Variants in SNAP91 observed in about 807,000 individuals in gnomAD.
SNAP91 encodes the protein clathrin coat assembly protein AP180.
SNAP91 carries 27 observed loss-of-function variants against 100.3 expected under a neutral mutation model. The ratio of observed to expected loss-of-function variants is 0.27; its 90% CI spans 0.20 to 0.37. SNAP91 has a LOEUF of 0.37. Ranked by LOEUF, SNAP91 falls within the 10% of genes least tolerant of loss-of-function variation. The pLI is 1.00. For missense variants in SNAP91, 986 were observed against 1,123.7 expected, an observed-to-expected ratio of 0.88 and a Z score of 1.75; for synonymous variants, 404 against 398.6, an observed-to-expected ratio of 1.01 and a Z score of -0.16.
intron 7 of SNAP91, among the ~76,000 whole-genome samples, chr6:83,650,075 G>A (rs939242847): frequency 6.6e-6 from 1 of 151,568 alleles, no homozygotes; most frequent in Admixed American, 6.6e-5. Flanking sequence ...TTTTCCAGAT[G>A]AATATTATTC....
At chr6:83,638,450 A>T (rs1417046457) in intron 8 of SNAP91, among the ~76,000 whole-genome samples, 1 of 151,944 alleles carries the variant, frequency 6.6e-6, no homozygotes, top group African/African-American at 2.4e-5. Context: ...AAAGCCACTT[A>T]TATTATTACA....
At chr6:83,554,925 T>C (rs562665488) in intron 29 of SNAP91, among the ~76,000 whole-genome samples, 1 of 152,286 alleles carries the variant, frequency 6.6e-6, no homozygotes, top group Admixed American at 6.5e-5. Context: ...TCTGTCTCTG[T>C]CTCTCTTTCT....
intron 22 of SNAP91, among the ~76,000 whole-genome samples, chr6:83,590,197 T>G (rs988079395): frequency 6.6e-6 from 1 of 152,180 alleles, no homozygotes; most frequent in Non-Finnish European, 1.5e-5. Context: ...TGTACCTGTC[T>G]AAGTAAAATC....
At chr6:83,635,529 T>C (rs1264590649) in intron 8 of SNAP91, among the ~76,000 whole-genome samples, 3 of 152,200 alleles carry the variant, frequency 2.0e-5, no homozygotes, top group Non-Finnish European at 2.9e-5. Context: ...TTGTTTTCTA[T>C]TGGGATGGTG....
intron 8 of SNAP91, among the ~76,000 whole-genome samples, chr6:83,629,421 T>C (rs1045914422): frequency 3.9e-5 from 6 of 152,080 alleles, no homozygotes; most frequent in South Asian, 2.1e-4. Context: ...TTGATGGGAA[T>C]TGCATTGAAT....
intron 8 of SNAP91, among the ~76,000 whole-genome samples, chr6:83,634,382 G>A (rs1331207633): frequency 6.6e-6 from 1 of 151,070 alleles, no homozygotes; most frequent in African/African-American, 2.5e-5. Flanking sequence ...TGTGTGTTCA[G>A]GGGCAGAGGA....
chr6:83,560,782 CT>C, intron 27 of SNAP91, 81 bp downstream of exon 27: 3 of 1,189,966 alleles, frequency 2.5e-6, no homozygotes, highest in Non-Finnish European at 3.7e-6. Context: ...AAATTATATT[CT>C]GTAGGAATAC....
At chr6:83,707,762 C>A (rs757711426) in intron 2 of SNAP91, 36 bp downstream of exon 2, 1 of 1,609,744 alleles carries the variant, frequency 6.2e-7, no homozygotes, top group Non-Finnish European at 8.5e-7. Context: ...GCGCCTCTGC[C>A]GTGCGCATGT....
intron 8 of SNAP91, among the ~76,000 whole-genome samples, chr6:83,625,852 T>G (rs896956608): frequency 6.6e-6 from 1 of 152,188 alleles, no homozygotes; most frequent in African/African-American, 2.4e-5. Flanking sequence ...TAATAGTTTC[T>G]TTTGCTGTGC....
rs1280544469 is a variant in SNAP91 at position 83,601,018 on chromosome 6, C to T, written c.1324+253G>A. ...AAGGCAGGAGTTCTGAAGGTAGCAA[C>T]ATGAATTCTAATGTTAAAAAACGTG... On this transcript the variant is annotated intron_variant, in intron 16 of 29. Coordinates refer to ENST00000369694, the MANE Select transcript of SNAP91 (RefSeq NM_001242792.2). Among the ~76,000 whole-genome samples the T allele has an allele frequency of 2.0e-5, 3 of 152,140 alleles. No individual in the cohort carries two copies. The East Asian group carries it at 5.8e-4, about 29-fold the overall frequency.
intron 22 of SNAP91, among the ~76,000 whole-genome samples, chr6:83,583,620 T>C (rs921602767): frequency 6.6e-6 from 1 of 152,194 alleles, no homozygotes; most frequent in Non-Finnish European, 1.5e-5. Context: ...TATTCTATTA[T>C]AAAAGAATTT....
At chr6:83,627,488 T>G (rs193118473) in intron 8 of SNAP91, among the ~76,000 whole-genome samples, 1 of 152,190 alleles carries the variant, frequency 6.6e-6, no homozygotes, top group Non-Finnish European at 1.5e-5. Flanking sequence ...CCAAGGCTTT[T>G]ATTTCTTAGT....
At chr6:83,678,824 T>A (rs1483318969) in intron 2 of SNAP91, 30 of 1,281,604 alleles carry the variant, frequency 2.3e-5, no homozygotes, top group Non-Finnish European at 2.9e-5. Context: ...GGAGGAATCA[T>A]CCAATAAAAA....
chr6:83,607,866 C>A, intron 12 of SNAP91, 58 bp from the exon 13 acceptor site: 3 of 1,008,200 alleles, frequency 3.0e-6, no homozygotes, highest in Non-Finnish European at 4.3e-6. Context: ...GGACACAGGG[C>A]AGCAGGACTT....
chr6:83,619,216 C>A (rs1197989007), intron 9 of SNAP91, among the ~76,000 whole-genome samples: 2 of 152,006 alleles, frequency 1.3e-5, no homozygotes, highest in Non-Finnish European at 2.9e-5. Context: ...AGCATTCCAT[C>A]CTAGAAGTTT....
At chr6:83,674,290 C>A (rs998929628) in intron 2 of SNAP91, among the ~76,000 whole-genome samples, 1 of 151,966 alleles carries the variant, frequency 6.6e-6, no homozygotes, top group Non-Finnish European at 1.5e-5. Context: ...AAAAGTTAGC[C>A]AGGCACAGTG....
chr6:83,564,146 G>A (rs1304295031), intron 26 of SNAP91, among the ~76,000 whole-genome samples: 1 of 152,014 alleles, frequency 6.6e-6, no homozygotes, highest in Non-Finnish European at 1.5e-5. Context: ...CTAGCATAAA[G>A]ACAGACATAT....
Position 83,582,203 on chromosome 6 carries a change from T to C in SNAP91, c.2149+19A>G. On this transcript the variant is annotated intron_variant, in intron 23 of 29. Transcript: ENST00000369694. ...TTACCAGGACACATGAAAAGAATGT[T>C]TGAAAGTCACTGCCTCACCTGATGG... 3.1e-6 allele frequency: 5 copies of C among 1,612,192 alleles called. No individual in the cohort carries two copies. The highest frequency in any genetic ancestry group is 4.2e-6 in the Non-Finnish European group (5 of 1,178,906).
chr6:83,620,997 C>A (rs1383145989), intron 9 of SNAP91, among the ~76,000 whole-genome samples: 4 of 152,114 alleles, frequency 2.6e-5, no homozygotes, highest in Admixed American at 2.6e-4. Context: ...GCCACCGCGC[C>A]CAGCCTGAAC....
Sources: gnomAD v4.1 joint callset for allele counts (sites outside exome capture counted in the v4.1 genomes callset) on GRCh38, gnomAD v4.1.1 for gene constraint, MANE v1.5 for transcripts, NCBI Gene and HGNC (gene_info 2026-07-23, HGNC 2026-07-21) for gene names.